The following ACSL1 variants were observed in gnomAD, a reference collection of about 807,000 sequenced individuals.
ACSL1 encodes the protein long-chain-fatty-acid--CoA ligase 1.
A neutral mutation model predicts 98.4 loss-of-function variants in ACSL1; 41 were observed. That is an observed-to-expected ratio of 0.42 (90% CI 0.32 to 0.54). The LOEUF (loss-of-function observed/expected upper bound fraction) is 0.54, where lower values mean the gene tolerates loss of function less well. ACSL1 is among the 20% of genes least tolerant of loss of function. The pLI, the probability that ACSL1 is intolerant of heterozygous loss-of-function variation, is 0.13. For synonymous variants in ACSL1, 316 were observed against 322.7 expected (o/e 0.98, Z 0.22); for missense variants, 734 against 883.1 (o/e 0.83, Z 2.14).
At position 184,776,532 on chromosome 4, in the gene ACSL1, T is replaced by C; in HGVS notation, c.708A>G (p.Glu236=). ...VMDAYGSELV[E]RGQRCGVEVT... ...CTTCCACCCCACACCTCTGGCCTCG[T>C]TCCACCAGTTCACTGCCGTAGGCAT... Residue 236 remains glutamate (E), a synonymous_variant, in exon 7 of 21, where the codon GAA becomes GAG. Transcript: ENST00000281455. The C allele has an allele frequency of 6.2e-7, 1 of 1,614,162 alleles. No homozygotes were observed. The highest frequency in any genetic ancestry group is 8.5e-7 in the Non-Finnish European group (1 of 1,179,974).
At chr4:184,798,761 G>C (rs1769909011) in intron 2 of ACSL1, 1 of 152,358 alleles carries the variant, frequency 6.6e-6, no homozygotes, top group South Asian at 2.1e-4. Context: ...GATCACTGGA[G>C]GTGTAGCTGC....
rs1763965692 is a variant in ACSL1 at position 184,768,454 on chromosome 4, TA to T, written c.994-5del. 1 of 1,603,858 alleles carries T rather than the reference TA, an allele frequency of 6.2e-7. No individual in the cohort carries two copies. Among genetic ancestry groups the T allele is most frequent in the African/African-American group, 1.3e-5 (1 of 74,224 alleles). On this transcript the variant is annotated splice_polypyrimidine_tract_variant and splice_region_variant and intron_variant, in intron 11 of 20. Coordinates refer to ENST00000281455, the MANE Select transcript of ACSL1 (RefSeq NM_001995.5). ...CTCCATGACACAGCATTACACACTA[TA>T]GGGGTAATGGAAAAAACAAACATTT...
chr4:184,813,928 C>T (rs1056692572), intron 1 of ACSL1: 2 of 451,394 alleles, frequency 4.4e-6, no homozygotes, highest in Non-Finnish European at 8.9e-6. Flanking sequence ...TCCTGGGGTC[C>T]TCTCAGGTGC....
chr4:184,798,762 G>T (rs1003533225), intron 2 of ACSL1: 3 of 152,352 alleles, frequency 2.0e-5, no homozygotes, highest in Admixed American at 6.5e-5. Context: ...ATCACTGGAG[G>T]TGTAGCTGCA....
In ACSL1 at chr4:184,773,889, GA is replaced by G. The variant is rs146022729; in HGVS notation, c.757-15del. The G allele has an allele frequency of 5.6e-6, 9 of 1,613,536 alleles. No homozygotes were observed. In the Admixed American group the frequency reaches 1.2e-4, roughly 21 times the overall value. Reference sequence around the variant, plus strand: ...TCTTCCCAGGTCCTTAATTAGAAGAGAAAAAAAGTCTTAAATGGAAACGTTT... The same window carrying G: ...TCTTCCCAGGTCCTTAATTAGAAGAGAAAAAAGTCTTAAATGGAAACGTTT... On this transcript the variant is annotated splice_polypyrimidine_tract_variant and intron_variant, in intron 7 of 20. Coordinates refer to ENST00000281455, the MANE Select transcript of ACSL1 (RefSeq NM_001995.5). The surrounding 1 kb of genome is among the most constrained non-coding windows in gnomAD (Gnocchi z 4.3).
At chr4:184,796,891 G>C (rs188317138) in intron 2 of ACSL1, among the ~76,000 whole-genome samples, 2 of 152,302 alleles carry the variant, frequency 1.3e-5, no homozygotes, top group African/African-American at 4.8e-5. Context: ...CCTAATACTT[G>C]TCCCTGCCTC....
At chr4:184,775,326 T>C (rs1229355071) in intron 7 of ACSL1, among the ~76,000 whole-genome samples, 2 of 152,252 alleles carry the variant, frequency 1.3e-5, no homozygotes, top group East Asian at 3.8e-4. Context: ...AACTTTATAT[T>C]ATAATCTTCA....
At chr4:184,771,199 G>A (rs188171216) in intron 10 of ACSL1, among the ~76,000 whole-genome samples, 8 of 152,170 alleles carry the variant, frequency 5.3e-5, no homozygotes, top group Non-Finnish European at 1.0e-4. Flanking sequence ...CCACTTCAGG[G>A]CTTTAATCAA....
At chr4:184,786,665 T>C (rs1451928121) in intron 3 of ACSL1, among the ~76,000 whole-genome samples, 1 of 151,586 alleles carries the variant, frequency 6.6e-6, no homozygotes, top group Admixed American at 6.6e-5. Flanking sequence ...ATGTTACCAG[T>C]GTCAAGTAAA....
rs761736133 is a variant in ACSL1, at chr4:184,766,477, A to G, written c.1263+145T>C. 6.7e-5 allele frequency: 78 copies of G among 1,170,670 alleles called. No homozygotes were observed. Among genetic ancestry groups the G allele is most frequent in the Non-Finnish European group, 9.0e-5 (75 of 835,454 alleles). 72.5% of individuals were successfully genotyped at this position (1,170,670 alleles called of 1,614,324 possible). A position where few individuals can be genotyped will look rare whatever the true frequency, so the allele number is the denominator to read the frequency against. On this transcript the variant is annotated intron_variant, in intron 13 of 20. Transcript: ENST00000281455. The surrounding 1 kb of genome is among the most constrained non-coding windows in gnomAD (Gnocchi z 4.8). ...GAGGCCTCCTTAATGGCTTTGCCTT[A>G]GTTTTTAAATGTGTGCCAGAATTAA...
chr4:184,768,330 G>A lies in ACSL1; in HGVS notation c.1114C>T (p.Arg372Trp). ...TTGGAACTTACTCGGTCAAACATCC[G>A]GTTCAGCAGTCTTGGAACCACGGGG... ...VFPVVPRLLNRMFDRIFGQAN... is the reference protein window; with the variant it reads ...VFPVVPRLLNWMFDRIFGQAN... The change falls in exon 12 of 21, where the codon CGG becomes TGG. Residue 372 changes from arginine to tryptophan, a missense_variant. By Grantham distance (101) the Arg-to-Trp change is moderately radical. Coordinates refer to ENST00000281455, the MANE Select transcript of ACSL1 (RefSeq NM_001995.5). 3 of 1,612,020 alleles carry A rather than the reference G, an allele frequency of 1.9e-6. No individual in the cohort carries two copies. Among genetic ancestry groups the A allele is most frequent in the Non-Finnish European group, 2.5e-6 (3 of 1,179,512 alleles).
Position 184,773,012 on chromosome 4 carries a change from T to C in ACSL1, c.915+69A>G, listed in dbSNP as rs1764734404. ...TGGACCTAACACACTGGTGCCCACC[T>C]TCAGCACTTTCATTCTCAAGGACTA... On this transcript the variant is annotated intron_variant, in intron 10 of 20. Coordinates refer to ENST00000281455, the MANE Select transcript of ACSL1 (RefSeq NM_001995.5). This position sits in a 1 kb window ranked among gnomAD's most constrained non-coding sequence, Gnocchi z 4.3. The C allele has an allele frequency of 4.7e-6, 7 of 1,485,720 alleles. No individual in the cohort carries two copies. Among genetic ancestry groups the C allele is most frequent in the Non-Finnish European group, 6.6e-6 (7 of 1,068,056 alleles). The allele number at this position is 1,485,720 out of a possible 1,614,324, so 92.0% of individuals were successfully genotyped here. A position where few individuals can be genotyped will look rare whatever the true frequency, so the allele number is the denominator to read the frequency against.
At position 184,776,651 on chromosome 4, in the gene ACSL1, G is replaced by C. The variant is rs2150332746; in HGVS notation, c.589C>G (p.Leu197Val). 6.2e-7 allele frequency: 1 copy of C among 1,611,024 alleles called. No homozygotes were observed. Among genetic ancestry groups the C allele is most frequent in the African/African-American group, 1.3e-5 (1 of 75,044 alleles). ...TYIVNKAELS[L>V]VFVDKPEKAK... ...TTCTCTGGCTTGTCAACAAAAACCA[G>C]AGAGAGTTCAGCTGTAAATGAAGAG... The change falls in exon 7 of 21, where the codon CTG becomes GTG. Residue 197 changes from leucine (L) to valine (V), a missense_variant. Leu to Val is a conservative substitution (Grantham distance 32). Coordinates refer to ENST00000281455, the MANE Select transcript of ACSL1 (RefSeq NM_001995.5).
At chr4:184,770,361 T>G (rs78159791) in intron 11 of ACSL1, 38 bp downstream of exon 11, 1 of 1,608,478 alleles carries the variant, frequency 6.2e-7, no homozygotes, top group Non-Finnish European at 8.5e-7. Context: ...TAGCAGAACA[T>G]ACACAAACAA....
At chr4:184,764,830 A>G (rs1157205951) in intron 15 of ACSL1, 23 bp downstream of exon 15, 23 of 1,598,972 alleles carry the variant, frequency 1.4e-5, no homozygotes, top group Non-Finnish European at 1.9e-5. Context: ...AAAATTCCAA[A>G]AAGGAGCCTC....
intron 5 of ACSL1, among the ~76,000 whole-genome samples, chr4:184,778,725 C>T (rs1765715936): frequency 6.6e-6 from 1 of 152,188 alleles, no homozygotes; most frequent in South Asian, 2.1e-4. Context: ...GCTCAGCAAA[C>T]ATTTGTTGAA....
In ACSL1 at chr4:184,766,055, G is replaced by A. The variant is rs1433199743; in HGVS notation, c.1264-69C>T. 1.3e-6 allele frequency: 2 copies of A among 1,507,608 alleles called. No homozygotes were observed. The highest frequency in any genetic ancestry group is 4.5e-5 in the East Asian group (2 of 44,050). The allele number at this position is 1,507,608 out of a possible 1,614,324, so 93.4% of individuals were successfully genotyped here. A position where few individuals can be genotyped will look rare whatever the true frequency, so the allele number is the denominator to read the frequency against. On this transcript the variant is annotated intron_variant, in intron 13 of 20. Transcript: ENST00000281455. This position sits in a 1 kb window ranked among gnomAD's most constrained non-coding sequence, Gnocchi z 4.8. ...GGAAGTCGGCGGCCTCTCCGCCAAG[G>A]GGGCCTGCTTGGGACCCCGTTCCCT...
intron 2 of ACSL1, among the ~76,000 whole-genome samples, chr4:184,801,460 G>A (rs1042085289): frequency 3.3e-5 from 5 of 152,148 alleles, no homozygotes; most frequent in African/African-American, 4.8e-5. Context: ...CCAGCCCCCC[G>A]CAGCAGTGCC....
intron 1 of ACSL1, chr4:184,805,593 C>G (rs1771302724): frequency 1.1e-6 from 1 of 894,604 alleles, no homozygotes; most frequent in Non-Finnish European, 1.3e-6. Context: ...GGGCAATGAG[C>G]CTGGAAGTGG....
Sources: allele counts gnomAD v4.1 joint callset (sites outside exome capture counted in the v4.1 genomes callset), GRCh38; gene constraint gnomAD v4.1.1; non-coding constraint Gnocchi (gnomAD v3.1); transcripts MANE v1.5; gene names NCBI Gene and HGNC (gene_info 2026-07-23, HGNC 2026-07-21).